Variants in CAST observed in about 807,000 individuals in gnomAD.
The protein encoded by CAST is calpastatin, also known as MIR583 host.
In CAST, 76 loss-of-function variants were observed where a neutral mutation model predicts 119.6. That is an observed-to-expected ratio of 0.64 (90% CI 0.53 to 0.77). The LOEUF (loss-of-function observed/expected upper bound fraction) is 0.77, where lower values mean the gene tolerates loss of function less well. Ranked by LOEUF, CAST falls within the 30% of genes least tolerant of loss-of-function variation. The pLI, the probability that CAST is intolerant of heterozygous loss-of-function variation, is 0.00. For missense variants in CAST, 953 were observed against 946.5 expected (o/e 1.01, Z -0.09); for synonymous variants, 319 against 331.6 (o/e 0.96, Z 0.41).
chr5:96,473,589 A>C, the CAST span, among the ~76,000 whole-genome samples: 1 of 152,204 alleles, frequency 6.6e-6, no homozygotes, highest in Non-Finnish European at 1.5e-5. Context: ...ACAGATAAGA[A>C]GGAAAGGAAT....
the CAST span, among the ~76,000 whole-genome samples, chr5:96,157,722 C>G: frequency 6.6e-6 from 1 of 152,162 alleles, no homozygotes; most frequent in Admixed American, 6.5e-5. Flanking sequence ...TCCTTGATTG[C>G]ATTATTTTAA....
At chr5:96,311,083 T>C in the CAST span, among the ~76,000 whole-genome samples, 3 of 152,092 alleles carry the variant, frequency 2.0e-5, no homozygotes, top group African/African-American at 7.2e-5. Flanking sequence ...AGTTTCCTCT[T>C]ACAACTGCTT....
At chr5:96,299,365 A>C in the CAST span, among the ~76,000 whole-genome samples, 1 of 152,192 alleles carries the variant, frequency 6.6e-6, no homozygotes, top group Non-Finnish European at 1.5e-5. Context: ...CAAAAAAAGA[A>C]GGCAATAGAA....
chr5:96,099,412 G>C, the CAST span, among the ~76,000 whole-genome samples: 1 of 152,120 alleles, frequency 6.6e-6, no homozygotes, highest in African/African-American at 2.4e-5. Context: ...TGATTTTCAA[G>C]GGGAATGCTT....
At chr5:96,374,563 C>T in the CAST span, among the ~76,000 whole-genome samples, 1 of 152,126 alleles carries the variant, frequency 6.6e-6, no homozygotes, top group Non-Finnish European at 1.5e-5. Context: ...ATTCATGTGT[C>T]GATGGGTACA....
chr5:96,723,593 A>G (rs1185489226), intron 4 of CAST, among the ~76,000 whole-genome samples: 1 of 152,192 alleles, frequency 6.6e-6, no homozygotes, highest in Non-Finnish European at 1.5e-5. Context: ...AGAATTAAAA[A>G]TAAAAGAATT....
At chr5:96,734,333 T>C (rs1761203812) in intron 9 of CAST, among the ~76,000 whole-genome samples, 1 of 152,128 alleles carries the variant, frequency 6.6e-6, no homozygotes, top group African/African-American at 2.4e-5. Flanking sequence ...GATGGGGTGA[T>C]GCAATTGAAT....
chr5:96,196,415 G>A, the CAST span, among the ~76,000 whole-genome samples: 1 of 152,166 alleles, frequency 6.6e-6, no homozygotes, highest in Non-Finnish European at 1.5e-5. Flanking sequence ...AAAATACTAA[G>A]TGCTGAGTAA....
chr5:96,074,752 T>A, the CAST span, among the ~76,000 whole-genome samples: 1 of 152,196 alleles, frequency 6.6e-6, no homozygotes, highest in Non-Finnish European at 1.5e-5. Context: ...GCAAATTCAG[T>A]GACTTGCTAT....
chr5:96,093,322 T>G, the CAST span, among the ~76,000 whole-genome samples: 1 of 152,190 alleles, frequency 6.6e-6, no homozygotes, highest in African/African-American at 2.4e-5. Context: ...AAATGTTTAT[T>G]GAGCAGTGCA....
the CAST span, among the ~76,000 whole-genome samples, chr5:96,168,610 C>G: frequency 3.3e-5 from 5 of 151,926 alleles, no homozygotes; most frequent in Non-Finnish European, 7.4e-5. Flanking sequence ...TGGTGAGTGG[C>G]GATTAGGCCT....
the CAST span, among the ~76,000 whole-genome samples, chr5:96,381,698 C>T: frequency 1.5e-4 from 23 of 152,208 alleles, no homozygotes; most frequent in African/African-American, 5.3e-4. Context: ...AGCTCTTGGT[C>T]TCCTAGGGGA....
chr5:96,572,317 C>A lies in CAST; in HGVS notation c.60+42437C>A, dbSNP rs544693572. 9.9e-5 allele frequency among the ~76,000 whole-genome samples: 15 copies of A among 152,078 alleles called. 2 individuals are homozygous for A. The highest frequency in any genetic ancestry group is 3.6e-4 in the African/African-American group (15 of 41,474). ...CTGGGTTCGAGCAATTCTCCTACTT[C>A]AGCCTCCCGAGTAGCTGGGATTACA... On this transcript the variant is annotated intron_variant, in intron 1 of 11. Coordinates refer to the CAST transcript ENST00000505143.
chr5:96,566,188 T>G (rs261226), intron 1 of CAST, among the ~76,000 whole-genome samples: 1 of 152,100 alleles, frequency 6.6e-6, no homozygotes, highest in East Asian at 1.9e-4. Context: ...CAATTAAACC[T>G]GTAGCTGACT....
At chr5:96,122,327 T>C in the CAST span, among the ~76,000 whole-genome samples, 2 of 152,210 alleles carry the variant, frequency 1.3e-5, no homozygotes, top group Admixed American at 6.5e-5. Context: ...TTCTTTATAA[T>C]GCAAAGATAA....
chr5:96,452,976 A>AAAAAAAAAAAG, the CAST span, among the ~76,000 whole-genome samples: 788 of 142,226 alleles, frequency 5.5e-3, 41 homozygotes, highest in African/African-American at 0.021. Flanking sequence ...AAAAAAAAAA[A>AAAAAAAAAAAG]CAGAAGAAAG....
chr5:96,544,434 T>G (rs1196627442), intron 1 of CAST, among the ~76,000 whole-genome samples: 1 of 152,224 alleles, frequency 6.6e-6, no homozygotes, highest in Non-Finnish European at 1.5e-5. Flanking sequence ...TTTTTAGTTC[T>G]GGAAGGACTA....
At chr5:96,545,563 T>C (rs1745994772) in intron 1 of CAST, among the ~76,000 whole-genome samples, 1 of 152,226 alleles carries the variant, frequency 6.6e-6, no homozygotes, top group Admixed American at 6.5e-5. Context: ...CACCAAGTGA[T>C]TTGCCAGTTT....
At chr5:96,702,794 C>A (rs956389247) in intron 3 of CAST, 31 of 985,510 alleles carry the variant, frequency 3.1e-5, no homozygotes, top group Middle Eastern at 1.0e-3. Flanking sequence ...ACCGCCCCGC[C>A]CCGTCGCACT....
Sources: gnomAD v4.1 joint callset for allele counts (sites outside exome capture counted in the v4.1 genomes callset) on GRCh38, gnomAD v4.1.1 for gene constraint, MANE v1.5 for transcripts, NCBI Gene and HGNC (gene_info 2026-07-23, HGNC 2026-07-21) for gene names.